CCDC92B: variants seen among roughly 807,000 people sequenced by gnomAD.
CCDC92B encodes coiled-coil domain containing 92B.
CCDC92B carries 2 observed loss-of-function variants against 5.6 expected under a neutral mutation model. The observed-to-expected ratio is 0.36, with a 90% CI of 0.15 to 1.12. CCDC92B has a LOEUF of 1.12. Ranked by LOEUF, CCDC92B falls within the 50% of genes most tolerant of loss-of-function variation. CCDC92B has a pLI of 0.40. For synonymous variants in CCDC92B, 115 were observed against 122.3 expected (o/e 0.94, Z 0.39); for missense variants, 271 against 262.2 (o/e 1.03, Z -0.23).
chr17:2,724,416 C>T lies in CCDC92B; in HGVS notation c.763G>A (p.Glu255Lys). The stretch of plus-strand genomic sequence containing the variant: ...CACCCCGGCCAGCCTGGCGCCTACT[C>T]CGGGTCCCCGGGCGCGCTGGGCTGG... Reference protein sequence around the residue: ...PSQPSAPGDPE With the variant: ...PSQPSAPGDPK The change falls in exon 4 of 4, where the codon GAG becomes AAG. Residue 255 changes from glutamate to lysine, a missense_variant. Coordinates refer to ENST00000614400, the MANE Select transcript of CCDC92B (RefSeq NM_001355573.2). This position sits in a 1 kb window ranked among gnomAD's most constrained non-coding sequence, Gnocchi z 5.0. 1 of 984,772 alleles carries T rather than the reference C, an allele frequency of 1.0e-6. No individual in the cohort carries two copies. The highest frequency in any genetic ancestry group is 1.2e-6 in the Non-Finnish European group (1 of 829,746). The allele number at this position is 984,772 out of a possible 1,614,324, so 61.0% of individuals were successfully genotyped here.
At position 2,737,001 on chromosome 17, in the gene CCDC92B, C is replaced by A. The variant is rs1191307224; in HGVS notation, c.-23-1833G>T. Among the ~76,000 whole-genome samples the A allele has an allele frequency of 1.3e-5, 2 of 151,208 alleles. 1 individual carries two copies. Among genetic ancestry groups the A allele is most frequent in the African/African-American group, 4.9e-5 (2 of 40,590 alleles). On this transcript the variant is annotated intron_variant, in intron 1 of 3. Coordinates refer to ENST00000614400, the MANE Select transcript of CCDC92B (RefSeq NM_001355573.2). ...TCATGCAGTGACTCCCATGGCAGAA[C>A]TTTGAGTTGCAGTGATGGATGAGAG...
intron 1 of CCDC92B, among the ~76,000 whole-genome samples, chr17:2,738,390 C>A (rs1021257010): frequency 1.3e-5 from 2 of 151,660 alleles, no homozygotes; most frequent in African/African-American, 4.9e-5. Flanking sequence ...AGAAAATTAA[C>A]CTCTCTGAGC....
intron 3 of CCDC92B, among the ~76,000 whole-genome samples, chr17:2,727,440 A>G (rs891440576): frequency 1.3e-5 from 2 of 152,174 alleles, no homozygotes; most frequent in African/African-American, 4.8e-5. Context: ...GCAGGACCAT[A>G]TCCTAGGACT....
At chr17:2,736,529 G>GT (rs1258860197) in intron 1 of CCDC92B, among the ~76,000 whole-genome samples, 1 of 151,880 alleles carries the variant, frequency 6.6e-6, no homozygotes, top group Non-Finnish European at 1.5e-5. Context: ...GGAAGACTGC[G>GT]TGAGTCCAGG....
chr17:2,729,481 C>T (rs868294173), intron 3 of CCDC92B, among the ~76,000 whole-genome samples: 1 of 112,774 alleles, frequency 8.9e-6, no homozygotes, highest in African/African-American at 3.5e-5. Context: ...GCGACAAGAG[C>T]GAGACTCCGT....
At chr17:2,727,600 C>A (rs112397056) in intron 3 of CCDC92B, among the ~76,000 whole-genome samples, 1 of 152,008 alleles carries the variant, frequency 6.6e-6, no homozygotes, top group African/African-American at 2.4e-5. Flanking sequence ...CCAAGGTGGG[C>A]GGATCACAAG....
chr17:2,724,236 T>G lies in CCDC92B; in HGVS notation c.*175A>C. ...GAGAGGGCTCGAAGCTTTGGAAACG[T>G]CGGGAAGTACAAAAGGCTGGCGGTT... On this transcript the variant is annotated 3_prime_UTR_variant, in exon 4 of 4. Transcript: ENST00000614400. The surrounding 1 kb of genome is among the most constrained non-coding windows in gnomAD (Gnocchi z 5.0). The G allele has an allele frequency of 1.0e-6, 1 of 985,016 alleles. No individual in the cohort carries two copies. Among genetic ancestry groups the G allele is most frequent in the Non-Finnish European group, 1.2e-6 (1 of 829,750 alleles). The allele number at this position is 985,016 out of a possible 1,614,324, so 61.0% of individuals were successfully genotyped here. A position where few individuals can be genotyped will look rare whatever the true frequency, so the allele number is the denominator to read the frequency against.
intron 1 of CCDC92B, among the ~76,000 whole-genome samples, chr17:2,735,670 A>T (rs1394159525): frequency 6.6e-6 from 1 of 152,108 alleles, no homozygotes; most frequent in African/African-American, 2.4e-5. Context: ...ACCTCAGGAG[A>T]TCCATCCGCC....
At chr17:2,746,175 T>G (rs1378695021) in intron 1 of CCDC92B, among the ~76,000 whole-genome samples, 1 of 152,156 alleles carries the variant, frequency 6.6e-6, no homozygotes, top group Non-Finnish European at 1.5e-5. Context: ...AGAGACGTGG[T>G]TTTGCCATGT....
At chr17:2,743,855 A>G (rs144684787) in intron 1 of CCDC92B, among the ~76,000 whole-genome samples, 47 of 152,120 alleles carry the variant, frequency 3.1e-4, no homozygotes, top group African/African-American at 1.0e-3. Context: ...CCACATGAAT[A>G]TATTAACTTT....
intron 3 of CCDC92B, among the ~76,000 whole-genome samples, chr17:2,728,153 CCT>C (rs2070754479): frequency 6.7e-6 from 1 of 148,218 alleles, no homozygotes; most frequent in South Asian, 2.1e-4. Context: ...TGGCGAAACC[CCT>C]CTCTACAAAA....
intron 1 of CCDC92B, among the ~76,000 whole-genome samples, chr17:2,735,971 G>A (rs528414813): frequency 6.6e-6 from 1 of 152,246 alleles, no homozygotes; most frequent in South Asian, 2.1e-4. Context: ...CAGCCCAAGG[G>A]CTACATGGCT....
intron 1 of CCDC92B, among the ~76,000 whole-genome samples, chr17:2,745,305 C>T (rs1353498151): frequency 1.3e-5 from 2 of 151,864 alleles, no homozygotes; most frequent in South Asian, 2.1e-4. Context: ...GGTGTGTGGG[C>T]CTGTTCTTAG....
intron 3 of CCDC92B, among the ~76,000 whole-genome samples, chr17:2,726,848 T>C (rs1475527245): frequency 2.0e-5 from 3 of 150,080 alleles, no homozygotes; most frequent in African/African-American, 7.4e-5. Context: ...CTCCTGACCT[T>C]GTGATCCACC....
intron 1 of CCDC92B, among the ~76,000 whole-genome samples, chr17:2,738,188 C>G (rs2070876923): frequency 1.3e-5 from 2 of 151,990 alleles, no homozygotes; most frequent in Admixed American, 1.3e-4. Context: ...CTACAAGTGA[C>G]TGCCACCATG....
At chr17:2,728,057 T>C (rs62069983) in intron 3 of CCDC92B, among the ~76,000 whole-genome samples, 8,517 of 150,688 alleles carry the variant, frequency 0.057, 336 homozygotes, top group Non-Finnish European at 0.087. Flanking sequence ...CCAGGCACAG[T>C]GGTCGTGCCT....
intron 2 of CCDC92B, among the ~76,000 whole-genome samples, chr17:2,731,828 G>T (rs1447760264): frequency 6.6e-6 from 1 of 152,248 alleles, no homozygotes. Context: ...TAGGTTCAGG[G>T]ATTTGGGAGC....
At position 2,724,324 on chromosome 17, in the gene CCDC92B, C is replaced by G. The variant is rs368325343; in HGVS notation, c.*87G>C. The G allele has an allele frequency of 1.1e-5, 11 of 985,184 alleles. No individual in the cohort carries two copies. The highest frequency in any genetic ancestry group is 2.3e-4 in the East Asian group (2 of 8,754). The allele number at this position is 985,184 out of a possible 1,614,324, so 61.0% of individuals were successfully genotyped here. A position where few individuals can be genotyped will look rare whatever the true frequency, so the allele number is the denominator to read the frequency against. On this transcript the variant is annotated 3_prime_UTR_variant, in exon 4 of 4. Coordinates refer to ENST00000614400, the MANE Select transcript of CCDC92B (RefSeq NM_001355573.2). This position sits in a 1 kb window ranked among gnomAD's most constrained non-coding sequence, Gnocchi z 5.0. ...TTCCTGGAGGAGGGGCGGCTGCCCT[C>G]CGACCCGGGACCTGCCTGCGGGGAC... is the stretch of plus-strand genomic sequence containing the variant.
At chr17:2,728,354 T>C (rs1357044058) in intron 3 of CCDC92B, among the ~76,000 whole-genome samples, 1 of 149,650 alleles carries the variant, frequency 6.7e-6, no homozygotes, top group Non-Finnish European at 1.5e-5. Flanking sequence ...ATGCCTGTAA[T>C]CCCAGCACTT....
Sources: allele counts gnomAD v4.1 joint callset (sites outside exome capture counted in the v4.1 genomes callset), GRCh38; gene constraint gnomAD v4.1.1; non-coding constraint Gnocchi (gnomAD v3.1); transcripts MANE v1.5; gene names NCBI Gene and HGNC (gene_info 2026-07-23, HGNC 2026-07-21).